Variants in EVC observed in about 807,000 individuals in gnomAD.
EVC encodes the protein evC complex member EVC.
In EVC, 116 loss-of-function variants were observed where a neutral mutation model predicts 118.9. That is an observed-to-expected ratio of 0.98 (90% CI 0.84 to 1.14). EVC has a LOEUF of 1.14. EVC is among the 50% of genes most tolerant of loss of function. EVC has a pLI of 0.00. For missense variants in EVC, 1,401 were observed against 1,246.4 expected (o/e 1.12, Z -1.87); for synonymous variants, 619 against 534.7 (o/e 1.16, Z -2.18).
At chr4:5,747,264 G>GT (rs958948248) in intron 7 of EVC, among the ~76,000 whole-genome samples, 6 of 151,824 alleles carry the variant, frequency 4.0e-5, no homozygotes, top group African/African-American at 1.5e-4. Flanking sequence ...TGGGTTTCTG[G>GT]TGACACTAAC....
chr4:5,822,457 G>A, the EVC span, among the ~76,000 whole-genome samples: 6 of 151,430 alleles, frequency 4.0e-5, no homozygotes, highest in Non-Finnish European at 8.8e-5. Flanking sequence ...TCCGCAAGCT[G>A]GATTTACTTC....
chr4:5,801,193 A>G (rs1169244120), intron 15 of EVC, among the ~76,000 whole-genome samples: 3 of 152,218 alleles, frequency 2.0e-5, no homozygotes, highest in African/African-American at 7.2e-5. Context: ...TGCGTGACCC[A>G]GGCTGCCACA....
rs1727154824 is a variant in EVC, at chr4:5,733,388, A to G, written c.655A>G (p.Lys219Glu). 1.9e-6 allele frequency: 3 copies of G among 1,614,118 alleles called. No homozygotes were observed. The highest frequency in any genetic ancestry group is 1.7e-6 in the Non-Finnish European group (2 of 1,179,984). ...VDLCIYSLHL[K>E]DLLHLDTALR... ...CCTGTGTATCTACAGCCTTCACTTA[A>G]AAGACCTGCTGCATTTGGACACGGC... The change falls in exon 5 of 21, where the codon AAA becomes GAA. Residue 219 changes from lysine to glutamate, a missense_variant. Physicochemically the swap from Lys to Glu is moderately conservative, Grantham distance 56. Coordinates refer to ENST00000264956, the MANE Select transcript of EVC (RefSeq NM_153717.3).
At position 5,790,938 on chromosome 4, in the gene EVC, A is replaced by G. The variant is rs572653520; in HGVS notation, c.1777-2670A>G. ...GTGAAACCCTGTCTCTACTAAAAAT[A>G]CAAAACATTAACTGGGCGTGGTGGC... On this transcript the variant is annotated intron_variant, in intron 12 of 20. Transcript: ENST00000264956. Among the ~76,000 whole-genome samples the G allele has an allele frequency of 5.9e-5, 9 of 152,234 alleles. No homozygotes were observed. The South Asian group carries it at 1.9e-3, about 32-fold the overall frequency.
intron 8 of EVC, among the ~76,000 whole-genome samples, chr4:5,750,060 T>C (rs1730115126): frequency 6.6e-6 from 1 of 152,174 alleles, no homozygotes; most frequent in East Asian, 1.9e-4. Flanking sequence ...GCCTTTTTTT[T>C]CTGTCAACAC....
rs912741502 is a variant in EVC at position 5,789,179 on chromosome 4, C to A, written c.1777-4429C>A. On this transcript the variant is annotated intron_variant, in intron 12 of 20. Transcript: ENST00000264956. The surrounding 1 kb of genome is among the most constrained non-coding windows in gnomAD (Gnocchi z 4.3). ...TTTGATAGGGAACACTAAGTCACAT[C>A]GTGTTGCTTCTCTGCAGAACCCCCA... Among the ~76,000 whole-genome samples the A allele has an allele frequency of 6.6e-6, 1 of 152,124 alleles. No homozygotes were observed. Among genetic ancestry groups the A allele is most frequent in the African/African-American group, 2.4e-5 (1 of 41,378 alleles).
intron 17 of EVC, among the ~76,000 whole-genome samples, chr4:5,805,891 CTTT>C (rs4045512): frequency 4.0e-5 from 5 of 123,956 alleles, no homozygotes; most frequent in Admixed American, 8.6e-5. Flanking sequence ...AGTTTCTTTT[CTTT>C]TTTTTTTTTT....
Position 5,731,326 on chromosome 4 carries a change from C to G in EVC, c.385-99C>G. On this transcript the variant is annotated intron_variant, in intron 3 of 20. Coordinates refer to ENST00000264956, the MANE Select transcript of EVC (RefSeq NM_153717.3). The surrounding 1 kb of genome is among the most constrained non-coding windows in gnomAD (Gnocchi z 5.6). Reference sequence around the variant, plus strand: ...GCCAGTCTCCTCCAGGCAGACCTTCCTGTGAGCGGCTAGCGTGAATCACTG... The same window carrying G: ...GCCAGTCTCCTCCAGGCAGACCTTCGTGTGAGCGGCTAGCGTGAATCACTG... 1 of 1,060,608 alleles carries G rather than the reference C, an allele frequency of 9.4e-7. No homozygotes were observed. The highest frequency in any genetic ancestry group is 1.5e-6 in the Non-Finnish European group (1 of 676,442). 65.7% of individuals were successfully genotyped at this position (1,060,608 alleles called of 1,614,324 possible). A position where few individuals can be genotyped will look rare whatever the true frequency, so the allele number is the denominator to read the frequency against.
At chr4:5,824,793 G>A in the EVC span, 1 of 985,058 alleles carries the variant, frequency 1.0e-6, no homozygotes, top group Admixed American at 6.2e-5. Flanking sequence ...ACGCCTCAAA[G>A]AGTTTGCAGG....
At chr4:5,826,002 T>G in the EVC span, 1 of 329,420 alleles carries the variant, frequency 3.0e-6, no homozygotes, top group Non-Finnish European at 5.6e-6. Flanking sequence ...CATACACGCG[T>G]GAACACGCAC....
At chr4:5,777,435 G>A (rs115549309) in intron 11 of EVC, among the ~76,000 whole-genome samples, 1,670 of 152,198 alleles carry the variant, frequency 0.011, 34 homozygotes, top group African/African-American at 0.037. Context: ...CTCTGACAGC[G>A]TCAGGCTGTC....
In EVC at chr4:5,715,740, C is replaced by CCTTTTTTTTTTTTTT. The variant is rs1553860016; in HGVS notation, c.175-3508_175-3507insCTTTTTTTTTTTTTT. ...AATTTCGAAGGCATTTTTCCATTGT[C>CCTTTTTTTTTTTTTT]TTTTTTTTTTTTTTTTTTTTTGAGA... On this transcript the variant is annotated intron_variant, in intron 1 of 20. Coordinates refer to ENST00000264956, the MANE Select transcript of EVC (RefSeq NM_153717.3). Among the ~76,000 whole-genome samples the CCTTTTTTTTTTTTTT allele has an allele frequency of 1.5e-4, 11 of 70,992 alleles. 5 individuals are homozygous for CCTTTTTTTTTTTTTT. The highest frequency in any genetic ancestry group is 1.9e-4 in the African/African-American group (4 of 20,722). The allele number at this position is 70,992 out of a possible 152,430, so 46.6% of individuals were successfully genotyped here.
chr4:5,726,029 G>C (rs1725750242), intron 2 of EVC, among the ~76,000 whole-genome samples: 1 of 152,206 alleles, frequency 6.6e-6, no homozygotes, highest in Non-Finnish European at 1.5e-5. Context: ...TCGCGGTGCA[G>C]CTCTTCCTGG....
At chr4:5,828,746 A>C in the EVC span, 1 of 1,510,844 alleles carries the variant, frequency 6.6e-7, no homozygotes, top group Non-Finnish European at 9.0e-7. Flanking sequence ...GATTTTGCCT[A>C]ACATTATATC....
rs897079300 is a variant in EVC at position 5,749,609 on chromosome 4, AC to A, written c.1098+1307del. Reference sequence around the variant, plus strand: ...GGCTAGATGCTGAGTGACTCCTAACACCCCAGTCACCATTGGGTTCCTCTTG... The same window carrying A: ...GGCTAGATGCTGAGTGACTCCTAACACCCAGTCACCATTGGGTTCCTCTTG... On this transcript the variant is annotated intron_variant, in intron 8 of 20. Coordinates refer to ENST00000264956, the MANE Select transcript of EVC (RefSeq NM_153717.3). This position sits in a 1 kb window ranked among gnomAD's most constrained non-coding sequence, Gnocchi z 4.4. 6.6e-6 allele frequency among the ~76,000 whole-genome samples: 1 copy of A among 151,792 alleles called. No homozygotes were observed. The highest frequency in any genetic ancestry group is 1.5e-5 in the Non-Finnish European group (1 of 67,948).
At chr4:5,794,064 T>C (rs918317857) in intron 13 of EVC, among the ~76,000 whole-genome samples, 1 of 151,738 alleles carries the variant, frequency 6.6e-6, no homozygotes, top group Admixed American at 6.6e-5. Context: ...CAAAAATTGC[T>C]ACAACGCAAT....
intron 15 of EVC, among the ~76,000 whole-genome samples, chr4:5,799,453 G>T: frequency 6.6e-6 from 1 of 152,336 alleles, no homozygotes; most frequent in Admixed American, 6.5e-5. Context: ...AGAGGCCTAC[G>T]ATTGGGCAAA....
intron 12 of EVC, among the ~76,000 whole-genome samples, chr4:5,786,127 C>T (rs1369787813): frequency 6.6e-6 from 1 of 152,154 alleles, no homozygotes; most frequent in Non-Finnish European, 1.5e-5. Context: ...TGTGATTTTA[C>T]ACAACTTGCT....
intron 4 of EVC, among the ~76,000 whole-genome samples, chr4:5,732,704 T>C (rs1438150302): frequency 6.6e-6 from 1 of 151,664 alleles, no homozygotes; most frequent in Admixed American, 6.6e-5. Flanking sequence ...AGGTGACACG[T>C]GATGATAGAC....
Sources: allele counts gnomAD v4.1 joint callset (sites outside exome capture counted in the v4.1 genomes callset), GRCh38; gene constraint gnomAD v4.1.1; non-coding constraint Gnocchi (gnomAD v3.1); transcripts MANE v1.5; gene names NCBI Gene and HGNC (gene_info 2026-07-23, HGNC 2026-07-21).